The following ZNF449 variants were observed in gnomAD, a reference collection of about 807,000 sequenced individuals.
ZNF449 encodes zinc finger and SCAN domain-containing protein 19.
ZNF449 carries 4 observed loss-of-function variants against 32.6 expected under a neutral mutation model. The ratio of observed to expected loss-of-function variants is 0.12; its 90% CI spans 0.06 to 0.28. ZNF449 has a LOEUF of 0.28. ZNF449 is among the 10% of genes least tolerant of loss of function. ZNF449 has a pLI of 1.00. For missense variants in ZNF449, 275 were observed against 383.2 expected, an observed-to-expected ratio of 0.72 and a Z score of 2.36; for synonymous variants, 123 against 132.2, an observed-to-expected ratio of 0.93 and a Z score of 0.48.
In ZNF449 at chrX:135,361,716, T is replaced by C. The variant is rs1373993515; in HGVS notation, c.*640T>C. Reference sequence around the variant, plus strand: ...ATTTTGATTGACTGAAGAACCAGGGTCTTTTGCTCTCCTTTGGTATTTCAC... The same window carrying C: ...ATTTTGATTGACTGAAGAACCAGGGCCTTTTGCTCTCCTTTGGTATTTCAC... On this transcript the variant is annotated 3_prime_UTR_variant, in exon 5 of 5. Transcript: ENST00000339249. 1 of 111,717 alleles carries C rather than the reference T, an allele frequency of 9.0e-6. No individual in the cohort carries two copies. Among genetic ancestry groups the C allele is most frequent in the African/African-American group, 3.3e-5 (1 of 30,766 alleles). The allele number at this position is 111,717 out of a possible 1,213,427, so 9.2% of individuals were successfully genotyped here.
In ZNF449 at chrX:135,345,470, C is replaced by G. The variant is rs370696601; in HGVS notation, c.-101+635C>G. 6.3e-5 allele frequency among the ~76,000 whole-genome samples: 7 copies of G among 111,969 alleles called. No homozygotes were observed. In the East Asian group the frequency reaches 1.4e-3, roughly 23 times the overall value. On this transcript the variant is annotated intron_variant, in intron 1 of 4. Transcript: ENST00000339249. ...ATGCCCTCCAGCAACGGTTAGGTGCCTAGACTCTGGGAAATAGAGGCCCCC... is the reference window on the plus strand; with the variant it reads ...ATGCCCTCCAGCAACGGTTAGGTGCGTAGACTCTGGGAAATAGAGGCCCCC...
intron 3 of ZNF449, among the ~76,000 whole-genome samples, chrX:135,358,492 T>G (rs1441737712): frequency 8.9e-6 from 1 of 111,848 alleles, no homozygotes; most frequent in African/African-American, 3.2e-5. Flanking sequence ...TCCCATACAC[T>G]TTGCTCTTAC....
At position 135,359,718 on chromosome X, in the gene ZNF449, T is replaced by A. The variant is rs782766217; in HGVS notation, c.560-174T>A. Among the ~76,000 whole-genome samples the A allele has an allele frequency of 1.1e-4, 12 of 112,056 alleles. No homozygotes were observed. In the East Asian group the frequency reaches 3.4e-3, roughly 31 times the overall value. On this transcript the variant is annotated intron_variant, in intron 3 of 4. Transcript: ENST00000339249. Reference sequence around the variant, plus strand: ...GCTTTGAATTGAACACCACCTCATTTTCATTTTGCTCTTATCTTTTAAAGA... The same window carrying A: ...GCTTTGAATTGAACACCACCTCATTATCATTTTGCTCTTATCTTTTAAAGA...
chrX:135,357,364 C>T (rs1403003336), intron 3 of ZNF449, among the ~76,000 whole-genome samples: 1 of 111,265 alleles, frequency 9.0e-6, no homozygotes, highest in East Asian at 2.8e-4. Flanking sequence ...TGGAGACATC[C>T]AGGTGTCTCA....
intron 3 of ZNF449, among the ~76,000 whole-genome samples, chrX:135,356,566 G>A (rs987405098): frequency 5.4e-5 from 6 of 111,132 alleles, no homozygotes; most frequent in Admixed American, 4.8e-4. Flanking sequence ...TGACCCTTGA[G>A]CAATGTGGAG....
At position 135,347,356 on chromosome X, in the gene ZNF449, A is replaced by G; in HGVS notation, c.238A>G (p.Thr80Ala). Residue 80 changes from threonine (T) to alanine (A), a missense_variant, in exon 2 of 5, where the codon ACT becomes GCT. This residue lies in a region of ZNF449 where 30 missense variants were observed against 61.6 expected (regional missense o/e 0.49). Transcript: ENST00000339249. ...GCTGCTAGTGTTGGAGCAATTCCTA[A>G]CTATCCTGCCCACAGAGATAGAGAC... ...LELLVLEQFL[T>A]ILPTEIETWV... The G allele has an allele frequency of 8.3e-7, 1 of 1,212,101 alleles. No individual in the cohort carries two copies.
rs1295936016 is a variant in ZNF449 at position 135,362,892 on chromosome X, A to T, written c.*1816A>T. On this transcript the variant is annotated 3_prime_UTR_variant, in exon 5 of 5. Transcript: ENST00000339249. ...AATTATACCAATTGCTAGACCCAGG[A>T]TGTATCTTTAATTCTTGTCATCCAG... The T allele has an allele frequency of 8.9e-6, 1 of 112,164 alleles. No individual in the cohort carries two copies. Among genetic ancestry groups the T allele is most frequent in the Non-Finnish European group, 1.9e-5 (1 of 53,198 alleles). 9.2% of individuals were successfully genotyped at this position (112,164 alleles called of 1,213,427 possible). A position where few individuals can be genotyped will look rare whatever the true frequency, so the allele number is the denominator to read the frequency against.
rs138298502 is a variant in ZNF449 at position 135,347,457 on chromosome X, G to A, written c.339G>A (p.Glu113=). The change falls in exon 2 of 5, where the codon GAG becomes GAA. Residue 113 remains glutamate, a synonymous_variant. Transcript: ENST00000339249. The part of the protein sequence containing the change: ...SLIEDLQREL[E]IPEQQVDMHD... The stretch of plus-strand genomic sequence containing the variant: ...TAGAAGACTTACAGAGAGAACTTGA[G>A]ATACCAGAGCAGCAGGTAAGAAAAG... 3 of 1,210,443 alleles carry A rather than the reference G, an allele frequency of 2.5e-6. No homozygotes were observed. The African/African-American group carries it at 5.2e-5, about 21-fold the overall frequency.
intron 3 of ZNF449, among the ~76,000 whole-genome samples, chrX:135,351,658 TAAAAAAAAAA>T (rs782046147): frequency 0.054 from 2,694 of 49,492 alleles, 64 homozygotes; most frequent in East Asian, 0.25. Flanking sequence ...TGAGGAATTC[TAAAAAAAAAA>T]AAAAAAAAAA....
chrX:135,359,195 G>GA (rs1170671781), intron 3 of ZNF449, among the ~76,000 whole-genome samples: 2 of 111,605 alleles, frequency 1.8e-5, no homozygotes, highest in African/African-American at 6.5e-5. Flanking sequence ...AAGGGGCTCA[G>GA]AAAAGAGGAT....
At chrX:135,348,360 C>T (rs781848264) in intron 2 of ZNF449, 18 of 125,029 alleles carry the variant, frequency 1.4e-4, no homozygotes, top group Non-Finnish European at 2.8e-4. Context: ...GGACATTCCA[C>T]ACTTGGTAGG....
At chrX:135,350,153 T>A (rs1308628373) in intron 3 of ZNF449, among the ~76,000 whole-genome samples, 1 of 111,302 alleles carries the variant, frequency 9.0e-6, no homozygotes, top group Non-Finnish European at 1.9e-5. Context: ...ATCACAGGCA[T>A]GCACTACCAC....
intron 3 of ZNF449, among the ~76,000 whole-genome samples, chrX:135,353,914 A>C (rs1243433115): frequency 5.4e-5 from 6 of 111,458 alleles, no homozygotes; most frequent in Non-Finnish European, 1.1e-4. Flanking sequence ...CTGTAAAACC[A>C]CTCATCCAAT....
intron 2 of ZNF449, chrX:135,348,122 A>ACCG: frequency 7.7e-6 from 1 of 129,365 alleles, no homozygotes; most frequent in Admixed American, 8.6e-5. Flanking sequence ...GATAAAGCTC[A>ACCG]AGTACTACGA....
rs1556453764 is a variant in ZNF449 at position 135,361,068 on chromosome X, C to T, written c.1549C>T (p.Leu517Phe). 1 of 1,158,504 alleles carries T rather than the reference C, an allele frequency of 8.6e-7. No homozygotes were observed. The highest frequency in any genetic ancestry group is 2.1e-5 in the South Asian group (1 of 48,120). The change falls in exon 5 of 5, where the codon CTT becomes TTT. Residue 517 changes from leucine (L) to phenylalanine (F), a missense_variant. Around this residue, in one of 3 missense-constraint regions of ZNF449, gnomAD observed 80 missense variants for 146.6 expected, o/e 0.55. Transcript: ENST00000339249. ...GCACCAGGTCACTCACTTTAGAGGA[C>T]TTATTTAAGAATTGCTAAGGGAAAC... ...IMHQVTHFRG[L>F]I
chrX:135,348,340 TGTTTG>T (rs2084862931), intron 2 of ZNF449: 1 of 125,080 alleles, frequency 8.0e-6, no homozygotes, highest in Non-Finnish European at 1.8e-5. Flanking sequence ...CTCACATGAA[TGTTTG>T]AGTGGGACAT....
At position 135,363,253 on chromosome X, in the gene ZNF449, C is replaced by T. The variant is rs782533774; in HGVS notation, c.*2177C>T. 3.6e-5 allele frequency: 4 copies of T among 112,339 alleles called. 1 individual carries two copies. The South Asian group carries it at 1.5e-3, about 41-fold the overall frequency. 9.3% of individuals were successfully genotyped at this position (112,339 alleles called of 1,213,427 possible). On this transcript the variant is annotated 3_prime_UTR_variant, in exon 5 of 5. Transcript: ENST00000339249. The stretch of plus-strand genomic sequence containing the variant: ...CTCTGTCCTCATCCCAAGTTGGAAT[C>T]GCTTTTCTCTCTGCAACCATGGCAC...
intron 2 of ZNF449, chrX:135,348,852 C>A: frequency 9.5e-7 from 1 of 1,049,529 alleles, no homozygotes; most frequent in Non-Finnish European, 1.3e-6. Flanking sequence ...GTATGAAATA[C>A]ACACCACATG....
chrX:135,347,478 A>T lies in ZNF449; in HGVS notation c.354+6A>T. 2 of 1,211,492 alleles carry T rather than the reference A, an allele frequency of 1.7e-6. No individual in the cohort carries two copies. Among genetic ancestry groups the T allele is most frequent in the Non-Finnish European group, 2.2e-6 (2 of 895,218 alleles). ...TTGAGATACCAGAGCAGCAGGTAAG[A>T]AAAGAATGTGGGATCTTTGTGATTG... On this transcript the variant is annotated splice_donor_region_variant and intron_variant, in intron 2 of 4. Coordinates refer to ENST00000339249, the MANE Select transcript of ZNF449 (RefSeq NM_152695.6).
Sources: gnomAD v4.1 joint callset for allele counts (sites outside exome capture counted in the v4.1 genomes callset) on GRCh38, gnomAD v4.1.1 for gene constraint, gnomAD v4.1.1 regional missense constraint, MANE v1.5 for transcripts, NCBI Gene and HGNC (gene_info 2026-07-23, HGNC 2026-07-21) for gene names.